EPHA5: variants seen among roughly 807,000 people sequenced by gnomAD.
EPHA5 encodes EPH receptor A5, also known as ephrin type-A receptor 5.
In EPHA5, 60 loss-of-function variants were observed where a neutral mutation model predicts 105.0. That is an observed-to-expected ratio of 0.57 (90% CI 0.46 to 0.71). The LOEUF is 0.71. Among genes scored for constraint, EPHA5 ranks in the 30% least tolerant of loss-of-function variants. The pLI is 0.00. For synonymous variants in EPHA5, 513 were observed against 449.1 expected, an observed-to-expected ratio of 1.14 and a Z score of -1.80; for missense variants, 1,218 against 1,274.7, an observed-to-expected ratio of 0.96 and a Z score of 0.68.
rs1211027562 is a variant in EPHA5 at position 65,348,789 on chromosome 4, GTGTGTATA to G, written c.2446-594_2446-587del. On this transcript the variant is annotated intron_variant, in intron 13 of 16. Transcript: ENST00000613740. ...TATATATGTGTGTGCATGTGTGTGT[GTGTGTATA>G]TATATATATATATATATATTTTTTT... Among the ~76,000 whole-genome samples the G allele has an allele frequency of 1.5e-3, 48 of 32,070 alleles. 1 individual carries two copies. The highest frequency in any genetic ancestry group is 2.9e-3 in the African/African-American group (42 of 14,592). The allele number at this position is 32,070 out of a possible 152,430, so 21.0% of individuals were successfully genotyped here.
chr4:65,334,866 A>T (rs1721022152), intron 15 of EPHA5, among the ~76,000 whole-genome samples: 1 of 152,014 alleles, frequency 6.6e-6, no homozygotes, highest in South Asian at 2.1e-4. Flanking sequence ...TCAAATAAGT[A>T]GATAAGAGAA....
chr4:65,542,097 G>C (rs1736897588), intron 3 of EPHA5, among the ~76,000 whole-genome samples: 2 of 151,838 alleles, frequency 1.3e-5, no homozygotes, highest in African/African-American at 4.8e-5. Flanking sequence ...TGTTAAGAGG[G>C]AAATTTACAG....
chr4:65,484,877 T>G (rs1730729110), intron 5 of EPHA5, among the ~76,000 whole-genome samples: 1 of 152,084 alleles, frequency 6.6e-6, no homozygotes, highest in Admixed American at 6.5e-5. Context: ...AATTTTACAC[T>G]ATGAGTTGCT....
chr4:65,418,651 A>G (rs1482200258), intron 6 of EPHA5, among the ~76,000 whole-genome samples: 3 of 152,110 alleles, frequency 2.0e-5, no homozygotes, highest in Non-Finnish European at 4.4e-5. Flanking sequence ...ATCGTTGACT[A>G]TTTATCTACT....
chr4:65,353,148 G>C, intron 11 of EPHA5, 45 bp from the exon 12 acceptor site: 1 of 1,285,580 alleles, frequency 7.8e-7, no homozygotes. Context: ...CTTCGATTTT[G>C]CATTCTTATC....
chr4:65,391,520 C>G (rs536264775), intron 8 of EPHA5, among the ~76,000 whole-genome samples: 1 of 152,206 alleles, frequency 6.6e-6, no homozygotes, highest in Admixed American at 6.5e-5. Flanking sequence ...AGACATGGCT[C>G]AGGAAATTAA....
chr4:65,343,419 T>C (rs1427459880), intron 14 of EPHA5, among the ~76,000 whole-genome samples: 1 of 152,126 alleles, frequency 6.6e-6, no homozygotes, highest in Non-Finnish European at 1.5e-5. Flanking sequence ...CAGAGGAAGA[T>C]CTCCTCTGTG....
Position 65,601,667 on chromosome 4 carries a change from T to C in EPHA5, c.884A>G (p.Tyr295Cys), listed in dbSNP as rs2149436807. The change falls in exon 3 of 17, where the codon TAT becomes TGT. Residue 295 changes from tyrosine to cysteine, a missense_variant. Tyr to Cys is a radical substitution (Grantham distance 194, BLOSUM62 -2). Around this residue, in one of 3 missense-constraint regions of EPHA5, gnomAD observed 971 missense variants for 1,013.5 expected, o/e 0.96. Coordinates refer to ENST00000613740, the MANE Select transcript of EPHA5 (RefSeq NM_001281766.3). ...PIGKCMCKAG[Y>C]EEKNGTCQVC... ...TTGACAGGTGCCATTTTTCTCTTCATATCCTGCCTTGCACATGCATTTCCC... is the reference window on the plus strand; with the variant it reads ...TTGACAGGTGCCATTTTTCTCTTCACATCCTGCCTTGCACATGCATTTCCC... 6.2e-7 allele frequency: 1 copy of C among 1,614,082 alleles called. No individual in the cohort carries two copies. Among genetic ancestry groups the C allele is most frequent in the Non-Finnish European group, 8.5e-7 (1 of 1,179,936 alleles).
chr4:65,446,305 T>C (rs996424661), intron 5 of EPHA5, among the ~76,000 whole-genome samples: 2 of 152,218 alleles, frequency 1.3e-5, no homozygotes, highest in African/African-American at 4.8e-5. Flanking sequence ...TAAAATCCTA[T>C]CATAATCAGT....
intron 16 of EPHA5, chr4:65,330,835 A>G (rs931880095): frequency 9.7e-7 from 1 of 1,032,418 alleles, no homozygotes. Flanking sequence ...GATCTGGTGG[A>G]CCGTGAGAAT....
At chr4:65,424,918 T>C (rs988042685) in intron 5 of EPHA5, among the ~76,000 whole-genome samples, 2 of 152,074 alleles carry the variant, frequency 1.3e-5, no homozygotes, top group Non-Finnish European at 2.9e-5. Flanking sequence ...GTGAACATGA[T>C]GAAAACATGA....
intron 3 of EPHA5, among the ~76,000 whole-genome samples, chr4:65,533,242 ATTAAT>A (rs1053273499): frequency 1.3e-5 from 2 of 152,174 alleles, no homozygotes; most frequent in African/African-American, 4.8e-5. Context: ...TGTTAAAAAA[ATTAAT>A]TTAATTATTA....
At chr4:65,526,734 G>A (rs1412983841) in intron 3 of EPHA5, among the ~76,000 whole-genome samples, 4 of 151,928 alleles carry the variant, frequency 2.6e-5, no homozygotes, top group African/African-American at 9.7e-5. Context: ...TTGCATATGT[G>A]TAGATTATAT....
chr4:65,361,021 T>A (rs530385742), intron 11 of EPHA5, among the ~76,000 whole-genome samples: 5 of 151,668 alleles, frequency 3.3e-5, no homozygotes, highest in Admixed American at 6.6e-5. Context: ...TGACTGAGAA[T>A]TCATTCATTC....
intron 1 of EPHA5, among the ~76,000 whole-genome samples, chr4:65,666,381 A>T (rs1432906429): frequency 6.6e-6 from 1 of 152,200 alleles, no homozygotes; most frequent in African/African-American, 2.4e-5. Flanking sequence ...ATTGGCCAAG[A>T]ATCCCTGCTG....
At chr4:65,501,362 A>G (rs1046485004) in intron 3 of EPHA5, among the ~76,000 whole-genome samples, 1 of 151,460 alleles carries the variant, frequency 6.6e-6, no homozygotes, top group Non-Finnish European at 1.5e-5. Flanking sequence ...AAAACCCTAG[A>G]AACTTCACCA....
chr4:65,535,493 A>G (rs1029710851), intron 3 of EPHA5, among the ~76,000 whole-genome samples: 4 of 152,158 alleles, frequency 2.6e-5, no homozygotes, highest in African/African-American at 4.8e-5. Flanking sequence ...TCACTTTTTC[A>G]TCTTATCTAT....
chr4:65,394,563 T>C (rs927266738), intron 8 of EPHA5, among the ~76,000 whole-genome samples: 2 of 152,178 alleles, frequency 1.3e-5, no homozygotes, highest in South Asian at 2.1e-4. Context: ...CTTTTTAGTA[T>C]GCTCAATTGA....
intron 1 of EPHA5, among the ~76,000 whole-genome samples, chr4:65,647,328 CAAAAAAAAAAAAA>C (rs55995799): frequency 1.4e-5 from 1 of 70,894 alleles, no homozygotes; most frequent in African/African-American, 5.7e-5. Context: ...GACTCTGTCT[CAAAAAAAAAAAAA>C]AAAAAAAAAA....
Sources: allele counts gnomAD v4.1 joint callset (sites outside exome capture counted in the v4.1 genomes callset), GRCh38; gene constraint gnomAD v4.1.1; regional missense constraint gnomAD v4.1.1; transcripts MANE v1.5; gene names NCBI Gene and HGNC (gene_info 2026-07-23, HGNC 2026-07-21).